COL22A1: variants seen among roughly 807,000 people sequenced by gnomAD.
COL22A1 encodes the protein collagen type XXII alpha 1 chain, also known as collagen alpha-1(XXII) chain.
COL22A1 carries 221 observed loss-of-function variants against 248.9 expected under a neutral mutation model. The observed-to-expected ratio is 0.89, with a 90% CI of 0.80 to 0.99. The LOEUF (loss-of-function observed/expected upper bound fraction) is 0.99, where lower values mean the gene tolerates loss of function less well. Among genes scored for constraint, COL22A1 ranks in the 50% least tolerant of loss-of-function variants. The pLI is 0.00. For missense variants in COL22A1, 2,240 were observed against 2,179.0 expected, an observed-to-expected ratio of 1.03 and a Z score of -0.56; for synonymous variants, 891 against 793.4, an observed-to-expected ratio of 1.12 and a Z score of -2.07.
At chr8:138,603,086 A>G (rs1029314789) in intron 59 of COL22A1, among the ~76,000 whole-genome samples, 5 of 152,202 alleles carry the variant, frequency 3.3e-5, no homozygotes, top group African/African-American at 9.6e-5. Context: ...AGTCAAAGAG[A>G]GTACTCTTGA....
In COL22A1 at chr8:138,742,204, C is replaced by T. The variant is rs796079900; in HGVS notation, c.2086-4627G>A. Among the ~76,000 whole-genome samples the T allele has an allele frequency of 2.0e-3, 110 of 55,386 alleles. 1 individual carries two copies. Among genetic ancestry groups the T allele is most frequent in the African/African-American group, 5.2e-3 (71 of 13,580 alleles). 36.3% of individuals were successfully genotyped at this position (55,386 alleles called of 152,430 possible). A position where few individuals can be genotyped will look rare whatever the true frequency, so the allele number is the denominator to read the frequency against. On this transcript the variant is annotated intron_variant, in intron 22 of 64. Coordinates refer to ENST00000303045, the MANE Select transcript of COL22A1 (RefSeq NM_152888.3). The stretch of plus-strand genomic sequence containing the variant: ...TAAAGTTGATGATGGTAATAGTGAT[C>T]GTGATGGTGATGGTGGAGTTGATGG...
chr8:138,635,703 C>A (rs968579812), intron 48 of COL22A1, among the ~76,000 whole-genome samples: 1 of 152,160 alleles, frequency 6.6e-6, no homozygotes, highest in Non-Finnish European at 1.5e-5. Flanking sequence ...CAAATGATTT[C>A]TCTGCCCTCC....
chr8:138,795,647 C>T (rs1220177027), intron 12 of COL22A1, among the ~76,000 whole-genome samples: 1 of 151,992 alleles, frequency 6.6e-6, no homozygotes, highest in African/African-American at 2.4e-5. Context: ...TAGTTCTTCT[C>T]CTAAATGTCA....
intron 64 of COL22A1, among the ~76,000 whole-genome samples, chr8:138,590,250 C>G (rs990490233): frequency 3.9e-5 from 6 of 152,244 alleles, no homozygotes; most frequent in African/African-American, 1.4e-4. Flanking sequence ...AAAATAAACA[C>G]AAAGTAAACT....
At chr8:138,837,529 G>A (rs146699996) in intron 4 of COL22A1, among the ~76,000 whole-genome samples, 1 of 152,338 alleles carries the variant, frequency 6.6e-6, no homozygotes, top group East Asian at 1.9e-4. Context: ...AGCATGGAGA[G>A]TCCCCACAGC....
chr8:138,877,781 G>T lies in COL22A1; in HGVS notation c.627C>A (p.Ile209=). The part of the protein sequence containing the change: ...HVSDFNAIDK[I]RGKLRRRLCE... Reference sequence around the variant, plus strand: ...AAAGACGGCGCCGCAGCTTGCCCCGGATCTTGTCGATGGCATTGAAGTCGG... The same window carrying T: ...AAAGACGGCGCCGCAGCTTGCCCCGTATCTTGTCGATGGCATTGAAGTCGG... Residue 209 remains isoleucine, a synonymous_variant, in exon 3 of 65, where the codon ATC becomes ATA. Transcript: ENST00000303045. 1.2e-6 allele frequency: 2 copies of T among 1,604,022 alleles called. No individual in the cohort carries two copies. The highest frequency in any genetic ancestry group is 8.5e-7 in the Non-Finnish European group (1 of 1,174,950).
intron 41 of COL22A1, among the ~76,000 whole-genome samples, chr8:138,673,359 G>A (rs546559175): frequency 2.2e-4 from 33 of 151,950 alleles, no homozygotes; most frequent in Non-Finnish European, 4.0e-4. Flanking sequence ...ACAGGCATGC[G>A]CCACCATGCC....
intron 26 of COL22A1, 150 bp downstream of exon 26, chr8:138,721,886 C>A: frequency 2.8e-6 from 2 of 716,444 alleles, no homozygotes; most frequent in Non-Finnish European, 5.0e-6. Flanking sequence ...AGCCTTCCCC[C>A]ATCTGACCCC....
chr8:138,807,382 T>C (rs770859186), intron 10 of COL22A1, among the ~76,000 whole-genome samples: 2 of 152,210 alleles, frequency 1.3e-5, no homozygotes, highest in African/African-American at 2.4e-5. Context: ...GGAAATCATG[T>C]GTTTAAAGGG....
At chr8:138,898,570 A>C (rs574621587) in intron 1 of COL22A1, among the ~76,000 whole-genome samples, 1 of 152,168 alleles carries the variant, frequency 6.6e-6, no homozygotes, top group South Asian at 2.1e-4. Context: ...CATCCAACCC[A>C]CAATCTTCTA....
At position 138,878,146 on chromosome 8, in the gene COL22A1, T is replaced by A; in HGVS notation, c.262A>T (p.Thr88Ser). ...CCAAAGAGTCCCAACTCGAAGGCCG[T>A]GGTGGGCCGGTCGCTGTAGCGCACG... The part of the protein sequence containing the change: ...GVVRYSDRPT[T>S]AFELGLFGSQ... The change falls in exon 3 of 65, where the codon ACG (threonine) becomes TCG (serine). Residue 88 changes from threonine (T) to serine (S), a missense_variant. Thr to Ser is a moderately conservative substitution (Grantham distance 58). Coordinates refer to ENST00000303045, the MANE Select transcript of COL22A1 (RefSeq NM_152888.3). 6.2e-7 allele frequency: 1 copy of A among 1,605,956 alleles called. No homozygotes were observed. Among genetic ancestry groups the A allele is most frequent in the Non-Finnish European group, 8.5e-7 (1 of 1,177,034 alleles).
At chr8:138,847,814 A>C (rs1821356293) in intron 3 of COL22A1, among the ~76,000 whole-genome samples, 1 of 151,880 alleles carries the variant, frequency 6.6e-6, no homozygotes, top group African/African-American at 2.4e-5. Context: ...AAAAAAAAAA[A>C]ACTTCTATTT....
intron 3 of COL22A1, among the ~76,000 whole-genome samples, chr8:138,871,871 T>A (rs1243828467): frequency 6.6e-6 from 1 of 152,148 alleles, no homozygotes; most frequent in Non-Finnish European, 1.5e-5. Context: ...GTGAACCTCA[T>A]AATTAATTTA....
At chr8:138,819,758 ATT>A (rs1027561844) in intron 7 of COL22A1, among the ~76,000 whole-genome samples, 2 of 149,994 alleles carry the variant, frequency 1.3e-5, no homozygotes, top group Non-Finnish European at 3.0e-5. Context: ...ATATATATAT[ATT>A]CACACACACA....
At chr8:138,596,870 C>A (rs1434978592) in intron 62 of COL22A1, 34 bp downstream of exon 62, 14 of 1,600,200 alleles carry the variant, frequency 8.7e-6, no homozygotes, top group Middle Eastern at 1.7e-4. Context: ...CTGGGCTCTT[C>A]TCTGCAAGAC....
At chr8:138,591,289 C>T (rs1485900138) in intron 64 of COL22A1, 135 bp downstream of exon 64, 1 of 445,918 alleles carries the variant, frequency 2.2e-6, no homozygotes, top group African/African-American at 2.1e-5. Flanking sequence ...AGTGAGTGAT[C>T]TCTGTCTCCT....
At chr8:138,815,907 G>A (rs908699863) in intron 7 of COL22A1, among the ~76,000 whole-genome samples, 2 of 152,096 alleles carry the variant, frequency 1.3e-5, no homozygotes, top group African/African-American at 4.8e-5. Context: ...TGTTGGACTC[G>A]GGAGTCCCTC....
At chr8:138,839,202 G>A (rs935698710) in intron 4 of COL22A1, among the ~76,000 whole-genome samples, 1 of 152,166 alleles carries the variant, frequency 6.6e-6, no homozygotes, top group African/African-American at 2.4e-5. Flanking sequence ...AGGAATTCAT[G>A]ACCCACTATA....
chr8:138,646,548 C>A, intron 47 of COL22A1, 81 bp downstream of exon 47: 1 of 1,112,426 alleles, frequency 9.0e-7, no homozygotes. Context: ...TTTACACTGG[C>A]CATCACTCTT....
Sources: allele counts gnomAD v4.1 joint callset (sites outside exome capture counted in the v4.1 genomes callset), GRCh38; gene constraint gnomAD v4.1.1; transcripts MANE v1.5; gene names NCBI Gene and HGNC (gene_info 2026-07-23, HGNC 2026-07-21).